The following KCNQ1 variants were observed in gnomAD, a reference collection of about 807,000 sequenced individuals.
KCNQ1 encodes potassium voltage-gated channel subfamily KQT member 1.
A neutral mutation model predicts 72.4 loss-of-function variants in KCNQ1; 49 were observed. The ratio of observed to expected loss-of-function variants is 0.68; its 90% CI spans 0.54 to 0.86. KCNQ1 has a LOEUF of 0.86. Ranked by LOEUF, KCNQ1 falls within the 40% of genes least tolerant of loss-of-function variation. The pLI is 0.00. For missense variants in KCNQ1, 790 were observed against 945.1 expected (o/e 0.84, Z 2.15); for synonymous variants, 450 against 412.6 (o/e 1.09, Z -1.10).
chr11:2,729,204 C>T (rs1845811291), intron 11 of KCNQ1, among the ~76,000 whole-genome samples: 1 of 152,258 alleles, frequency 6.6e-6, no homozygotes, highest in Non-Finnish European at 1.5e-5. Flanking sequence ...GCTGGTCTGG[C>T]CTAGCTCTTT....
intron 11 of KCNQ1, chr11:2,688,941 C>T (rs945047665): frequency 7.5e-6 from 3 of 398,738 alleles, no homozygotes; most frequent in Non-Finnish European, 1.3e-5. Context: ...CAGGCTGTCA[C>T]CCACTGGGCC....
In KCNQ1 at chr11:2,647,641, C is replaced by G. The variant is rs1443549764; in HGVS notation, c.1394-14320C>G. ...CCGTGCAATCCTGAGGTTTTCTTTA[C>G]TGGGAGACTTTATTACTGATACAAT... On this transcript the variant is annotated intron_variant, in intron 10 of 15. Transcript: ENST00000155840. This position sits in a 1 kb window ranked among gnomAD's most constrained non-coding sequence, Gnocchi z 4.0. The G allele has an allele frequency of 5.0e-6, 2 of 398,392 alleles. No individual in the cohort carries two copies. The highest frequency in any genetic ancestry group is 8.8e-6 in the Non-Finnish European group (2 of 226,036). The allele number at this position is 398,392 out of a possible 1,614,324, so 24.7% of individuals were successfully genotyped here. A position where few individuals can be genotyped will look rare whatever the true frequency, so the allele number is the denominator to read the frequency against.
rs1288747620 is a variant in KCNQ1, at chr11:2,682,671, T to C, written c.1514+20590T>C. The C allele has an allele frequency of 5.0e-6, 2 of 398,516 alleles. No homozygotes were observed. The highest frequency in any genetic ancestry group is 8.8e-6 in the Non-Finnish European group (2 of 226,084). The allele number at this position is 398,516 out of a possible 1,614,324, so 24.7% of individuals were successfully genotyped here. On this transcript the variant is annotated intron_variant, in intron 11 of 15. Transcript: ENST00000155840. This position sits in a 1 kb window ranked among gnomAD's most constrained non-coding sequence, Gnocchi z 5.8. ...CCCAGGGCTCATGTCCACATGCTAT[T>C]GTCCATAGAAGCTGGGGTCCAAAGT... is the stretch of plus-strand genomic sequence containing the variant.
intron 15 of KCNQ1, among the ~76,000 whole-genome samples, chr11:2,793,718 A>G (rs1847078418): frequency 6.6e-6 from 1 of 152,226 alleles, no homozygotes; most frequent in Admixed American, 6.5e-5. Flanking sequence ...GGAAAAAAGC[A>G]AAGGAATCCT....
chr11:2,717,184 G>A (rs565466854), intron 11 of KCNQ1, among the ~76,000 whole-genome samples: 21 of 152,160 alleles, frequency 1.4e-4, no homozygotes, highest in Non-Finnish European at 2.5e-4. Flanking sequence ...GCTGCAGTGC[G>A]ACACAGACTG....
intron 2 of KCNQ1, among the ~76,000 whole-genome samples, chr11:2,542,611 C>G (rs1004564090): frequency 1.3e-5 from 2 of 152,236 alleles, no homozygotes; most frequent in Admixed American, 6.5e-5. Flanking sequence ...TCGCTGGCCC[C>G]TCCTCCGCTG....
At position 2,537,877 on chromosome 11, in the gene KCNQ1, C is replaced by T. The variant is rs771816082; in HGVS notation, c.477+9859C>T. Among the ~76,000 whole-genome samples the T allele has an allele frequency of 5.3e-5, 8 of 152,026 alleles. No homozygotes were observed. The highest frequency in any genetic ancestry group is 1.2e-4 in the African/African-American group (5 of 41,368). On this transcript the variant is annotated intron_variant, in intron 2 of 15. Coordinates refer to ENST00000155840, the MANE Select transcript of KCNQ1 (RefSeq NM_000218.3). The surrounding 1 kb of genome is among the most constrained non-coding windows in gnomAD (Gnocchi z 5.2). ...ACTGTGGGTGCGTGCCACCATGCCC[C>T]GCTAATTTTTGTATTTTTTGTAGAG...
Position 2,768,394 on chromosome 11 carries a change from G to A in KCNQ1, c.1515-450G>A, listed in dbSNP as rs554730336. ...TCCTGTAGCCCCTACTTTCCCAAGC[G>A]CTTGCTGTTTGTGGGGCTACAGGAC... On this transcript the variant is annotated intron_variant, in intron 11 of 15. Coordinates refer to ENST00000155840, the MANE Select transcript of KCNQ1 (RefSeq NM_000218.3). The surrounding 1 kb of genome is among the most constrained non-coding windows in gnomAD (Gnocchi z 6.7). Among the ~76,000 whole-genome samples, 47 of 152,144 alleles carry A rather than the reference G, an allele frequency of 3.1e-4. No individual in the cohort carries two copies. Among genetic ancestry groups the A allele is most frequent in the Non-Finnish European group, 5.7e-4 (39 of 68,024 alleles).
chr11:2,624,427 C>A lies in KCNQ1; in HGVS notation c.1393+35573C>A, dbSNP rs1293598845. The A allele has an allele frequency of 2.5e-6, 1 of 398,298 alleles. No homozygotes were observed. Among genetic ancestry groups the A allele is most frequent in the Non-Finnish European group, 4.4e-6 (1 of 226,032 alleles). 24.7% of individuals were successfully genotyped at this position (398,298 alleles called of 1,614,324 possible). A position where few individuals can be genotyped will look rare whatever the true frequency, so the allele number is the denominator to read the frequency against. ...CAGAAACTTTTATTTTTAACAAAGT[C>A]TAGCTTATCAATTATTTCTTTCATG... On this transcript the variant is annotated intron_variant, in intron 10 of 15. Transcript: ENST00000155840. The surrounding 1 kb of genome is among the most constrained non-coding windows in gnomAD (Gnocchi z 4.9).
rs1244613500 is a variant in KCNQ1 at position 2,663,249 on chromosome 11, G to A, written c.1514+1168G>A. ...GAGCCAGCAGATCACTGGAAAGCAGGGGTGACTAGTCATGGACACCCTGAG... is the reference window on the plus strand; with the variant it reads ...GAGCCAGCAGATCACTGGAAAGCAGAGGTGACTAGTCATGGACACCCTGAG... On this transcript the variant is annotated intron_variant, in intron 11 of 15. Transcript: ENST00000155840. The surrounding 1 kb of genome is among the most constrained non-coding windows in gnomAD (Gnocchi z 5.2). The A allele has an allele frequency of 2.5e-6, 1 of 398,718 alleles. No homozygotes were observed. Among genetic ancestry groups the A allele is most frequent in the Non-Finnish European group, 4.4e-6 (1 of 226,134 alleles). The allele number at this position is 398,718 out of a possible 1,614,324, so 24.7% of individuals were successfully genotyped here.
At chr11:2,561,007 C>G (rs1278725678) in intron 2 of KCNQ1, among the ~76,000 whole-genome samples, 5 of 151,790 alleles carry the variant, frequency 3.3e-5, no homozygotes, top group Non-Finnish European at 5.9e-5. Flanking sequence ...TCGAGACCAT[C>G]CTGGCTAACA....
chr11:2,591,663 C>G (rs554654228), intron 10 of KCNQ1, among the ~76,000 whole-genome samples: 3 of 152,362 alleles, frequency 2.0e-5, no homozygotes, highest in African/African-American at 4.8e-5. Flanking sequence ...GTCCATTCAG[C>G]CTGGTTAGTG....
intron 6 of KCNQ1, among the ~76,000 whole-genome samples, chr11:2,576,844 C>T (rs374718348): frequency 3.0e-4 from 46 of 152,294 alleles, no homozygotes; most frequent in African/African-American, 9.9e-4. Context: ...GGCCGAGGGG[C>T]GGCAGGACCT....
Position 2,515,349 on chromosome 11 carries a change from A to G in KCNQ1, c.387-12579A>G, listed in dbSNP as rs989027687. On this transcript the variant is annotated intron_variant, in intron 1 of 15. Coordinates refer to ENST00000155840, the MANE Select transcript of KCNQ1 (RefSeq NM_000218.3). The surrounding 1 kb of genome is among the most constrained non-coding windows in gnomAD (Gnocchi z 4.7). ...ATCCATCCGTGTTGCTGCAAAGGACATGATTTCATTCACTTCTTGGAGGCT... is the reference window on the plus strand; with the variant it reads ...ATCCATCCGTGTTGCTGCAAAGGACGTGATTTCATTCACTTCTTGGAGGCT... Among the ~76,000 whole-genome samples, 2 of 152,182 alleles carry G rather than the reference A, an allele frequency of 1.3e-5. No homozygotes were observed. Among genetic ancestry groups the G allele is most frequent in the African/African-American group, 2.4e-5 (1 of 41,446 alleles).
chr11:2,789,515 C>T (rs561421111), intron 15 of KCNQ1, among the ~76,000 whole-genome samples: 17 of 152,320 alleles, frequency 1.1e-4, no homozygotes, highest in African/African-American at 2.2e-4. Context: ...AGTCATTGCT[C>T]GGGAGGGATA....
intron 11 of KCNQ1, chr11:2,680,114 A>C (rs1590027711): frequency 2.5e-6 from 1 of 394,042 alleles, no homozygotes; most frequent in Admixed American, 4.5e-5. Flanking sequence ...CTGGTCTCAA[A>C]CTCCTGACCT....
At chr11:2,758,761 T>C (rs1057170128) in intron 11 of KCNQ1, among the ~76,000 whole-genome samples, 1 of 152,194 alleles carries the variant, frequency 6.6e-6, no homozygotes, top group Non-Finnish European at 1.5e-5. Flanking sequence ...AAGCGGATCT[T>C]ACGGGAATTG....
rs978592148 is a variant in KCNQ1 at position 2,828,590 on chromosome 11, C to T, written c.1795-19177C>T. Among the ~76,000 whole-genome samples, 9 of 151,998 alleles carry T rather than the reference C, an allele frequency of 5.9e-5. No homozygotes were observed. The highest frequency in any genetic ancestry group is 1.0e-4 in the Non-Finnish European group (7 of 68,008). On this transcript the variant is annotated intron_variant, in intron 15 of 15. Coordinates refer to ENST00000155840, the MANE Select transcript of KCNQ1 (RefSeq NM_000218.3). This position sits in a 1 kb window ranked among gnomAD's most constrained non-coding sequence, Gnocchi z 5.3. ...CCAGGACCCTGACAGGCAGGTCTCA[C>T]CCCAGCCCATGAAGCCAGATGCTAC...
At chr11:2,519,610 ACT>A (rs973937071) in intron 1 of KCNQ1, among the ~76,000 whole-genome samples, 1 of 140,022 alleles carries the variant, frequency 7.1e-6, no homozygotes, top group Non-Finnish European at 1.6e-5. Context: ...ACAGAACAAG[ACT>A]CTGTCTCAAA....
Sources: gnomAD v4.1 joint callset for allele counts (sites outside exome capture counted in the v4.1 genomes callset) on GRCh38, gnomAD v4.1.1 for gene constraint, Gnocchi (gnomAD v3.1) non-coding constraint, MANE v1.5 for transcripts, NCBI Gene and HGNC (gene_info 2026-07-23, HGNC 2026-07-21) for gene names.